Variants in SLX4 observed in about 807,000 individuals in gnomAD.
The protein encoded by SLX4 is SLX4 structure-specific endonuclease subunit.
A neutral mutation model predicts 146.2 loss-of-function variants in SLX4; 112 were observed. That is an observed-to-expected ratio of 0.77 (90% CI 0.66 to 0.90). The LOEUF (loss-of-function observed/expected upper bound fraction) is 0.90. Among genes scored for constraint, SLX4 ranks in the 40% least tolerant of loss-of-function variants. The pLI is 0.00. For synonymous variants in SLX4, 1,061 were observed against 997.7 expected, an observed-to-expected ratio of 1.06 and a Z score of -1.20; for missense variants, 2,563 against 2,392.7, an observed-to-expected ratio of 1.07 and a Z score of -1.49.
Position 3,589,721 on chromosome 16 carries a change from T to A in SLX4, c.3917A>T (p.Gln1306Leu). 1 of 1,613,986 alleles carries A rather than the reference T, an allele frequency of 6.2e-7. No homozygotes were observed. Among genetic ancestry groups the A allele is most frequent in the Non-Finnish European group, 8.5e-7 (1 of 1,180,038 alleles). ...VGNREGNEVA[Q>L]KFSVIRPQTP... ...CTGGGGCCTGATGACAGAAAACTTC[T>A]GTGCGACTTCGTTCCCTTCCCTGTT... Residue 1306 changes from glutamine (Q) to leucine (L), a missense_variant, in exon 12 of 15, where the codon CAG (glutamine) becomes CTG (leucine). Transcript: ENST00000294008. This position sits in a 1 kb window ranked among gnomAD's most constrained non-coding sequence, Gnocchi z 6.2.
intron 3 of SLX4, among the ~76,000 whole-genome samples, chr16:3,606,063 C>G (rs1340135592): frequency 6.6e-6 from 1 of 151,808 alleles, no homozygotes; most frequent in African/African-American, 2.4e-5. Context: ...AGTTCGAGAC[C>G]AGCCTGGCCA....
At chr16:3,593,498 A>G (rs1220022097) in intron 10 of SLX4, among the ~76,000 whole-genome samples, 1 of 152,234 alleles carries the variant, frequency 6.6e-6, no homozygotes, top group Non-Finnish European at 1.5e-5. Context: ...GATCTCAGGC[A>G]TGAGCCGCCG....
chr16:3,588,269 C>T (rs1265134767), intron 12 of SLX4, among the ~76,000 whole-genome samples: 1 of 152,242 alleles, frequency 6.6e-6, no homozygotes, highest in Non-Finnish European at 1.5e-5. Flanking sequence ...CAACCACTAA[C>T]CTGCATTTTC....
chr16:3,590,763 A>T lies in SLX4; in HGVS notation c.2875T>A (p.Ser959Thr). 1 of 1,614,048 alleles carries T rather than the reference A, an allele frequency of 6.2e-7. No homozygotes were observed. The highest frequency in any genetic ancestry group is 8.5e-7 in the Non-Finnish European group (1 of 1,180,024). Reference sequence around the variant, plus strand: ...GCCTGGCAGTCCCTGGAAGGGCTGGAGCAGCTGGAATGGCCAAGCGCCTCC... The same window carrying T: ...GCCTGGCAGTCCCTGGAAGGGCTGGTGCAGCTGGAATGGCCAAGCGCCTCC... Reference protein sequence around the residue: ...PEEALGHSSCSSPSRDCQAER... With the variant: ...PEEALGHSSCTSPSRDCQAER... Residue 959 changes from serine (S) to threonine (T), a missense_variant, in exon 12 of 15, where the codon TCC becomes ACC. Coordinates refer to ENST00000294008, the MANE Select transcript of SLX4 (RefSeq NM_032444.4). This position sits in a 1 kb window ranked among gnomAD's most constrained non-coding sequence, Gnocchi z 4.8.
chr16:3,598,317 G>A (rs558960970), intron 5 of SLX4, among the ~76,000 whole-genome samples: 3 of 152,316 alleles, frequency 2.0e-5, no homozygotes, highest in South Asian at 2.1e-4. Context: ...GTCAACAATC[G>A]ATGGCTCTGA....
At chr16:3,583,024 C>T in intron 14 of SLX4, 73 bp downstream of exon 14, 1 of 1,576,202 alleles carries the variant, frequency 6.3e-7, no homozygotes, top group East Asian at 2.2e-5. Flanking sequence ...TTAGGTCTCA[C>T]TCGTGCCAAC....
At chr16:3,599,093 C>T (rs781688864) in intron 5 of SLX4, among the ~76,000 whole-genome samples, 1 of 152,220 alleles carries the variant, frequency 6.6e-6, no homozygotes, top group Non-Finnish European at 1.5e-5. Flanking sequence ...TTTATCTGAG[C>T]AGGTGCTTTT....
chr16:3,610,001 G>A (rs1170900047), intron 1 of SLX4, among the ~76,000 whole-genome samples: 1 of 152,184 alleles, frequency 6.6e-6, no homozygotes, highest in Non-Finnish European at 1.5e-5. Context: ...GAACACTCAG[G>A]AGAGAAAAGG....
chr16:3,607,202 G>A (rs1020489783), intron 2 of SLX4, among the ~76,000 whole-genome samples: 1 of 152,090 alleles, frequency 6.6e-6, no homozygotes, highest in African/African-American at 2.4e-5. Context: ...TTGCAGATAC[G>A]CGCATGGATA....
In SLX4 at chr16:3,597,776, C is replaced by A; in HGVS notation, c.1366+21G>T. ...ACCTGCTGATGGCCTCTCCCAGGGTCACTCTTCTGATCACACAAACCTGCT... is the reference window on the plus strand; with the variant it reads ...ACCTGCTGATGGCCTCTCCCAGGGTAACTCTTCTGATCACACAAACCTGCT... On this transcript the variant is annotated intron_variant, in intron 6 of 14. Coordinates refer to ENST00000294008, the MANE Select transcript of SLX4 (RefSeq NM_032444.4). This position sits in a 1 kb window ranked among gnomAD's most constrained non-coding sequence, Gnocchi z 4.4. The A allele has an allele frequency of 1.2e-6, 2 of 1,614,110 alleles. No individual in the cohort carries two copies. Among genetic ancestry groups the A allele is most frequent in the South Asian group, 2.2e-5 (2 of 91,036 alleles).
intron 12 of SLX4, among the ~76,000 whole-genome samples, chr16:3,585,298 G>T (rs1326584716): frequency 2.6e-5 from 4 of 152,130 alleles, no homozygotes; most frequent in African/African-American, 7.2e-5. Flanking sequence ...TAAAAAATGG[G>T]CAAAGGGGCC....
chr16:3,606,610 C>A lies in SLX4; in HGVS notation c.624G>T (p.Leu208Phe), dbSNP rs1384609139. Residue 208 changes from leucine to phenylalanine, a missense_variant, in exon 3 of 15, where the codon TTG (leucine) becomes TTT (phenylalanine). Physicochemically the swap from Leu to Phe is conservative, Grantham distance 22 (BLOSUM62 0). Coordinates refer to ENST00000294008, the MANE Select transcript of SLX4 (RefSeq NM_032444.4). ...PSPSKPRTAQ[L>F]VLQRMQQFKR... is the part of the protein sequence containing the mutation. ...TGAACTGCTGCATTCGCTGTAGGAC[C>A]AATTGTGCTGTGCGGGGTTTGGAGG... 6.2e-7 allele frequency: 1 copy of A among 1,614,160 alleles called. No individual in the cohort carries two copies. The highest frequency in any genetic ancestry group is 8.5e-7 in the Non-Finnish European group (1 of 1,180,042).
At chr16:3,594,847 G>A (rs888174363) in intron 9 of SLX4, among the ~76,000 whole-genome samples, 7 of 152,182 alleles carry the variant, frequency 4.6e-5, no homozygotes, top group African/African-American at 1.7e-4. Flanking sequence ...CCTGGCCCCC[G>A]TGGAGATGCC....
At chr16:3,610,399 A>G (rs2040843440) in intron 1 of SLX4, among the ~76,000 whole-genome samples, 1 of 152,200 alleles carries the variant, frequency 6.6e-6, no homozygotes, top group African/African-American at 2.4e-5. Flanking sequence ...CATCTGTCAT[A>G]GGTTATCATC....
Position 3,584,460 on chromosome 16 carries a change from G to A in SLX4, c.4739+309C>T, listed in dbSNP as rs570166236. Among the ~76,000 whole-genome samples the A allele has an allele frequency of 1.4e-3, 220 of 152,286 alleles. 1 individual carries two copies. Among genetic ancestry groups the A allele is most frequent in the Non-Finnish European group, 2.9e-4 (20 of 68,004 alleles). ...AGACCTCCTCACTCAGACTGCTCTG[G>A]CTAGGGGGCCATTTCCATCTACATG... On this transcript the variant is annotated intron_variant, in intron 13 of 14. Coordinates refer to ENST00000294008, the MANE Select transcript of SLX4 (RefSeq NM_032444.4).
chr16:3,584,862 T>G lies in SLX4; in HGVS notation c.4646A>C (p.Asn1549Thr), dbSNP rs2040490311. Residue 1549 changes from asparagine to threonine, a missense_variant, in exon 13 of 15, where the codon AAT (asparagine) becomes ACT (threonine). By Grantham distance (65) the Asn-to-Thr change is moderately conservative. Coordinates refer to ENST00000294008, the MANE Select transcript of SLX4 (RefSeq NM_032444.4). ...PEGLETPKGA[N>T]RKKNLPPKVP... is the part of the protein sequence containing the mutation. ...TTTGGGGGGCAAGTTCTTCTTCCGATTAGCACCTTCTGGGTAAAACAAAAG... is the reference window on the plus strand; with the variant it reads ...TTTGGGGGGCAAGTTCTTCTTCCGAGTAGCACCTTCTGGGTAAAACAAAAG... 1 of 1,612,576 alleles carries G rather than the reference T, an allele frequency of 6.2e-7. No individual in the cohort carries two copies. Among genetic ancestry groups the G allele is most frequent in the South Asian group, 1.1e-5 (1 of 91,058 alleles).
In SLX4 at chr16:3,590,150, A is replaced by G. The variant is rs1430208346; in HGVS notation, c.3488T>C (p.Leu1163Pro). The change falls in exon 12 of 15, where the codon CTA (leucine) becomes CCA (proline). Residue 1163 changes from leucine to proline, a missense_variant. Leu to Pro is a moderately conservative substitution (Grantham distance 98). Coordinates refer to ENST00000294008, the MANE Select transcript of SLX4 (RefSeq NM_032444.4). The surrounding 1 kb of genome is among the most constrained non-coding windows in gnomAD (Gnocchi z 4.8). ...LLLDSDEELE[L>P]EQTKMKSISS... The stretch of plus-strand genomic sequence containing the variant: ...AATGGACTTCATTTTGGTTTGTTCT[A>G]GCTCCAGCTCCTCATCCGAGTCCAG... 6.2e-7 allele frequency: 1 copy of G among 1,614,160 alleles called. No homozygotes were observed. The highest frequency in any genetic ancestry group is 1.1e-5 in the South Asian group (1 of 91,072).
Position 3,598,839 on chromosome 16 carries a change from G to C in SLX4, c.1164-840C>G, listed in dbSNP as rs546919918. Among the ~76,000 whole-genome samples, 3 of 152,310 alleles carry C rather than the reference G, an allele frequency of 2.0e-5. No homozygotes were observed. The East Asian group carries it at 5.8e-4, about 29-fold the overall frequency. On this transcript the variant is annotated intron_variant, in intron 5 of 14. Coordinates refer to ENST00000294008, the MANE Select transcript of SLX4 (RefSeq NM_032444.4). ...AGCCTGGGACCCTGCTTCTGTGAAG[G>C]GAACACAGACTGTGTTCCCTCCTCA...
Position 3,582,462 on chromosome 16 carries a change from G to A in SLX4, c.5385C>T (p.Arg1795=), listed in dbSNP as rs1466780115. The change falls in exon 15 of 15, where the codon CGC becomes CGT. Residue 1795 remains arginine (R), a synonymous_variant. Coordinates refer to ENST00000294008, the MANE Select transcript of SLX4 (RefSeq NM_032444.4). ...LRQNGLRVSS[R]RLLDFLDTHC... ...GGGTGTCCAGGAAGTCCAACAGCCTGCGCGAGGACACACGGAGGCCGTTCT... is the reference window on the plus strand; with the variant it reads ...GGGTGTCCAGGAAGTCCAACAGCCTACGCGAGGACACACGGAGGCCGTTCT... 1.9e-6 allele frequency: 3 copies of A among 1,613,908 alleles called. No homozygotes were observed. In the Admixed American group the frequency reaches 5.0e-5, roughly 27 times the overall value.
Sources: gnomAD v4.1 joint callset for allele counts (sites outside exome capture counted in the v4.1 genomes callset) on GRCh38, gnomAD v4.1.1 for gene constraint, Gnocchi (gnomAD v3.1) non-coding constraint, MANE v1.5 for transcripts, NCBI Gene and HGNC (gene_info 2026-07-23, HGNC 2026-07-21) for gene names.